Variants in CCDC63 observed in about 807,000 individuals in gnomAD.
CCDC63 encodes the protein coiled-coil domain containing 63.
A neutral mutation model predicts 63.6 loss-of-function variants in CCDC63; 54 were observed. The observed-to-expected ratio is 0.85, with a 90% CI of 0.68 to 1.07. The LOEUF (loss-of-function observed/expected upper bound fraction) is 1.07, where lower values mean the gene tolerates loss of function less well. Among genes scored for constraint, CCDC63 ranks in the 50% least tolerant of loss-of-function variants. The probability of loss-of-function intolerance (pLI) is 0.00; values close to 1 mark genes in which losing one functional copy is unlikely to be tolerated. For missense variants in CCDC63, 637 were observed against 689.6 expected (o/e 0.92, Z 0.86); for synonymous variants, 253 against 266.1 (o/e 0.95, Z 0.48).
chr12:110,850,671 G>T (rs1219690571), intron 1 of CCDC63, among the ~76,000 whole-genome samples: 1 of 152,198 alleles, frequency 6.6e-6, no homozygotes, highest in Non-Finnish European at 1.5e-5. Flanking sequence ...AACCCGGGAG[G>T]CAGAGGTTGC....
chr12:110,893,099 C>G lies in CCDC63; in HGVS notation c.1098C>G (p.Ser366=), dbSNP rs866821099. 4 of 1,613,962 alleles carry G rather than the reference C, an allele frequency of 2.5e-6. No homozygotes were observed. In the African/African-American group the frequency reaches 5.3e-5, roughly 22 times the overall value. Residue 366 remains serine, a synonymous_variant, in exon 9 of 12, where the codon TCC becomes TCG. Coordinates refer to ENST00000308208, the MANE Select transcript of CCDC63 (RefSeq NM_152591.3). Reference sequence around the variant, plus strand: ...AGGACGAGATCATCCTCTTGCGATCCCAGCAGAAATTGTCCCACGATGACA... The same window carrying G: ...AGGACGAGATCATCCTCTTGCGATCGCAGCAGAAATTGTCCCACGATGACA... The part of the protein sequence containing the change: ...RIQDEIILLR[S]QQKLSHDDNH...
At chr12:110,861,797 C>T (rs2070857285) in intron 4 of CCDC63, among the ~76,000 whole-genome samples, 1 of 150,568 alleles carries the variant, frequency 6.6e-6, no homozygotes, top group African/African-American at 2.5e-5. Context: ...GTCTCGAGCT[C>T]CTGACCTCAA....
chr12:110,876,314 C>G (rs907217593), intron 5 of CCDC63, among the ~76,000 whole-genome samples: 1 of 152,008 alleles, frequency 6.6e-6, no homozygotes, highest in Non-Finnish European at 1.5e-5. Flanking sequence ...TGAGTGGTAA[C>G]TGATAACTTC....
intron 5 of CCDC63, among the ~76,000 whole-genome samples, chr12:110,877,698 T>G (rs2071148338): frequency 6.9e-6 from 1 of 145,078 alleles, no homozygotes; most frequent in Non-Finnish European, 1.5e-5. Flanking sequence ...ATATTTGACT[T>G]TCTTTCTTTC....
intron 9 of CCDC63, among the ~76,000 whole-genome samples, chr12:110,897,278 T>TA (rs202229988): frequency 0.12 from 16,297 of 134,152 alleles, 1,030 homozygotes; most frequent in East Asian, 0.22. Flanking sequence ...CTAATTTTAT[T>TA]AAAAAAAAAA....
chr12:110,856,698 A>G (rs532178790), intron 3 of CCDC63, among the ~76,000 whole-genome samples: 10 of 152,276 alleles, frequency 6.6e-5, no homozygotes, highest in African/African-American at 1.7e-4. Context: ...AGAACGTCCT[A>G]TTAGAATGGG....
At position 110,884,882 on chromosome 12, in the gene CCDC63, A is replaced by G. The variant is rs562455542; in HGVS notation, c.1074+632A>G. Among the ~76,000 whole-genome samples the G allele has an allele frequency of 7.2e-3, 994 of 138,642 alleles. 14 individuals are homozygous for G. Among genetic ancestry groups the G allele is most frequent in the African/African-American group, 0.026 (959 of 36,774 alleles). The allele number at this position is 138,642 out of a possible 152,430, so 91.0% of individuals were successfully genotyped here. A position where few individuals can be genotyped will look rare whatever the true frequency, so the allele number is the denominator to read the frequency against. ...TTTTTTTTTTTTTTGTATTTTTAGT[A>G]GAGATGGGGTTTCATCATGTTGGCC... is the stretch of plus-strand genomic sequence containing the variant. On this transcript the variant is annotated intron_variant, in intron 8 of 11. Transcript: ENST00000308208.
chr12:110,850,154 T>C (rs1593630859), intron 1 of CCDC63, among the ~76,000 whole-genome samples: 1 of 152,194 alleles, frequency 6.6e-6, no homozygotes, highest in South Asian at 2.1e-4. Context: ...TACAAGTAGA[T>C]CTGGGGACCT....
At chr12:110,859,596 G>A (rs376166618) in intron 4 of CCDC63, among the ~76,000 whole-genome samples, 3 of 151,896 alleles carry the variant, frequency 2.0e-5, no homozygotes, top group African/African-American at 2.4e-5. Context: ...GTGAGCCACC[G>A]TGCCTGGCTG....
chr12:110,898,450 CAA>C (rs758242458), intron 9 of CCDC63, among the ~76,000 whole-genome samples: 42 of 88,582 alleles, frequency 4.7e-4, no homozygotes, highest in Middle Eastern at 7.0e-3. Flanking sequence ...ACTAAAAATA[CAA>C]AAAAAAAAAA....
intron 4 of CCDC63, among the ~76,000 whole-genome samples, chr12:110,867,565 C>T (rs1229119618): frequency 1.1e-4 from 15 of 134,624 alleles, no homozygotes; most frequent in African/African-American, 2.6e-4. Flanking sequence ...GGCGGCTGGC[C>T]GGGCGGGGGG....
chr12:110,866,991 G>C (rs1593654656), intron 4 of CCDC63, among the ~76,000 whole-genome samples: 3 of 102,918 alleles, frequency 2.9e-5, no homozygotes, highest in African/African-American at 7.4e-5. Flanking sequence ...CTGGCCGGGC[G>C]GGGGGCTGAC....
chr12:110,891,821 G>C (rs2071360857), intron 8 of CCDC63, among the ~76,000 whole-genome samples: 1 of 152,044 alleles, frequency 6.6e-6, no homozygotes, highest in African/African-American at 2.4e-5. Context: ...GTAGACATTT[G>C]ATTGTCCCCA....
At chr12:110,871,265 C>T (rs981969355) in intron 4 of CCDC63, among the ~76,000 whole-genome samples, 2 of 152,136 alleles carry the variant, frequency 1.3e-5, no homozygotes, top group African/African-American at 4.8e-5. Context: ...CCTCAGCCTC[C>T]CAAGTAGCTG....
At chr12:110,875,961 C>T (rs2071124138) in intron 5 of CCDC63, among the ~76,000 whole-genome samples, 1 of 151,992 alleles carries the variant, frequency 6.6e-6, no homozygotes, top group Non-Finnish European at 1.5e-5. Flanking sequence ...TAAAAATTAG[C>T]CAGGCATGGT....
chr12:110,882,282 C>T (rs1280887544), intron 7 of CCDC63, among the ~76,000 whole-genome samples: 6 of 151,182 alleles, frequency 4.0e-5, no homozygotes, highest in African/African-American at 1.2e-4. Context: ...GAGGCCAAGG[C>T]GGGAGGATCA....
chr12:110,879,578 T>C (rs1307300639), intron 5 of CCDC63, among the ~76,000 whole-genome samples: 1 of 152,236 alleles, frequency 6.6e-6, no homozygotes, highest in East Asian at 1.9e-4. Context: ...ATTAATATCT[T>C]CTCAGTTTGG....
chr12:110,880,166 A>G, intron 6 of CCDC63, 79 bp downstream of exon 6: 1 of 1,247,298 alleles, frequency 8.0e-7, no homozygotes, highest in Non-Finnish European at 1.1e-6. Context: ...CTGGGCCACC[A>G]CTGTCCCTGG....
intron 8 of CCDC63, among the ~76,000 whole-genome samples, chr12:110,891,236 G>A (rs912751740): frequency 6.6e-6 from 1 of 151,606 alleles, no homozygotes; most frequent in South Asian, 2.1e-4. Flanking sequence ...GCTTGAACCC[G>A]AGAGGCAGAG....
Sources: allele counts gnomAD v4.1 joint callset (sites outside exome capture counted in the v4.1 genomes callset), GRCh38; gene constraint gnomAD v4.1.1; transcripts MANE v1.5; gene names NCBI Gene and HGNC (gene_info 2026-07-23, HGNC 2026-07-21).